The following CLSTN1 variants were observed in gnomAD, a reference collection of about 807,000 sequenced individuals.
CLSTN1 encodes the protein calsyntenin-1.
In CLSTN1, 28 loss-of-function variants were observed where a neutral mutation model predicts 108.3. The observed-to-expected ratio is 0.26, with a 90% CI of 0.19 to 0.35. The LOEUF is 0.35. Ranked by LOEUF, CLSTN1 falls within the 10% of genes least tolerant of loss-of-function variation. The pLI is 1.00. For synonymous variants in CLSTN1, 524 were observed against 534.9 expected (o/e 0.98, Z 0.28); for missense variants, 1,157 against 1,302.6 (o/e 0.89, Z 1.72).
At chr1:9,799,433 A>C (rs1654155209) in intron 1 of CLSTN1, among the ~76,000 whole-genome samples, 1 of 151,866 alleles carries the variant, frequency 6.6e-6, no homozygotes, top group African/African-American at 2.4e-5. Flanking sequence ...CGAAGTCAGG[A>C]GATCGAGACC....
intron 1 of CLSTN1, among the ~76,000 whole-genome samples, chr1:9,774,871 A>C (rs894951071): frequency 1.3e-5 from 2 of 152,282 alleles, no homozygotes; most frequent in Middle Eastern, 3.4e-3. Flanking sequence ...ACGCTAAACG[A>C]AGGGTGGATT....
chr1:9,771,404 A>G (rs1460423111), intron 2 of CLSTN1, among the ~76,000 whole-genome samples: 1 of 152,182 alleles, frequency 6.6e-6, no homozygotes, highest in African/African-American at 2.4e-5. Context: ...TCACAAGGTC[A>G]GGAGTTCAAG....
chr1:9,791,004 C>T (rs1034993441), intron 1 of CLSTN1, among the ~76,000 whole-genome samples: 2 of 150,834 alleles, frequency 1.3e-5, no homozygotes, highest in African/African-American at 2.4e-5. Flanking sequence ...TGGTGGTGGG[C>T]GCCTGTAGTC....
intron 1 of CLSTN1, among the ~76,000 whole-genome samples, chr1:9,800,413 CA>C (rs1346935865): frequency 6.6e-6 from 1 of 151,684 alleles, no homozygotes; most frequent in Non-Finnish European, 1.5e-5. Flanking sequence ...TATAAGACCC[CA>C]TGGATTAAAA....
intron 1 of CLSTN1, among the ~76,000 whole-genome samples, chr1:9,806,460 T>C (rs145949300): frequency 1.8e-4 from 27 of 152,336 alleles, no homozygotes; most frequent in African/African-American, 6.3e-4. Context: ...TTACACACCA[T>C]ACCTGGGGCA....
Position 9,823,718 on chromosome 1 carries a change from C to G in CLSTN1, c.16G>C (p.Ala6Pro). The G allele has an allele frequency of 9.2e-7, 1 of 1,089,800 alleles. No individual in the cohort carries two copies. Among genetic ancestry groups the G allele is most frequent in the Non-Finnish European group, 1.1e-6 (1 of 898,254 alleles). The allele number at this position is 1,089,800 out of a possible 1,614,324, so 67.5% of individuals were successfully genotyped here. MLRRP[A>P]PALAPAARLL... ...CGGGCGGCCGGGGCCAGCGCGGGAG[C>G]GGGGCGGCGCAGCATCGCCAGCCCG... The change falls in exon 1 of 19, where the codon GCT (alanine) becomes CCT (proline). Residue 6 changes from alanine (A) to proline (P), a missense_variant. Ala to Pro is a conservative substitution (Grantham distance 27). Transcript: ENST00000377298. The surrounding 1 kb of genome is among the most constrained non-coding windows in gnomAD (Gnocchi z 6.3).
At chr1:9,785,151 A>G (rs998688501) in intron 1 of CLSTN1, among the ~76,000 whole-genome samples, 2 of 152,032 alleles carry the variant, frequency 1.3e-5, no homozygotes, top group South Asian at 2.1e-4. Flanking sequence ...TCTTGACCTC[A>G]GGTGATCCAC....
At chr1:9,785,507 CCAGA>C (rs1283826308) in intron 1 of CLSTN1, among the ~76,000 whole-genome samples, 2 of 152,104 alleles carry the variant, frequency 1.3e-5, no homozygotes, top group South Asian at 2.1e-4. Flanking sequence ...ACACTCTGGG[CCAGA>C]CAATGTTTAG....
chr1:9,782,924 T>C (rs1352558934), intron 1 of CLSTN1, among the ~76,000 whole-genome samples: 1 of 152,214 alleles, frequency 6.6e-6, no homozygotes, highest in Admixed American at 6.5e-5. Flanking sequence ...GGAGAATAGC[T>C]GGAACCTGGG....
At chr1:9,737,842 A>G (rs1489580151) in intron 10 of CLSTN1, among the ~76,000 whole-genome samples, 2 of 152,154 alleles carry the variant, frequency 1.3e-5, no homozygotes, top group Non-Finnish European at 2.9e-5. Context: ...AAGCACACAC[A>G]TGGAATTCGT....
At chr1:9,770,528 C>A (rs76606485) in intron 2 of CLSTN1, among the ~76,000 whole-genome samples, 1 of 152,238 alleles carries the variant, frequency 6.6e-6, no homozygotes, top group Non-Finnish European at 1.5e-5. Context: ...CTGCACCCCC[C>A]GACCAGCTAC....
chr1:9,733,645 G>A (rs948660011), intron 15 of CLSTN1, 99 bp from the exon 16 acceptor site: 2 of 1,427,940 alleles, frequency 1.4e-6, no homozygotes, highest in Non-Finnish European at 1.9e-6. Context: ...TAGACACCCA[G>A]GTTAGCTAGG....
rs201979762 is a variant in CLSTN1, at chr1:9,753,211, G to C, written c.441-1530C>G. The stretch of plus-strand genomic sequence containing the variant: ...GCATGCTCAGTTCACAACAGGGTTC[G>C]CGCTCCTGTGAGAATCTGATACCGC... On this transcript the variant is annotated intron_variant, in intron 4 of 18. Coordinates refer to ENST00000377298, the MANE Select transcript of CLSTN1 (RefSeq NM_001009566.3). Among the ~76,000 whole-genome samples, 657 of 152,254 alleles carry C rather than the reference G, an allele frequency of 4.3e-3. 12 individuals carry two copies. Among genetic ancestry groups the C allele is most frequent in the East Asian group, 0.042 (219 of 5,176 alleles).
At chr1:9,810,967 G>T (rs935798633) in intron 1 of CLSTN1, among the ~76,000 whole-genome samples, 1 of 151,994 alleles carries the variant, frequency 6.6e-6, no homozygotes, top group African/African-American at 2.4e-5. Context: ...CAAGAAAAAT[G>T]CAATCAACAC....
chr1:9,748,937 C>T (rs1651415125), intron 7 of CLSTN1, among the ~76,000 whole-genome samples: 1 of 152,134 alleles, frequency 6.6e-6, no homozygotes, highest in Admixed American at 6.6e-5. Flanking sequence ...CAGGGTCTCA[C>T]TCTATTGCCC....
chr1:9,796,360 G>A (rs1654001759), intron 1 of CLSTN1, among the ~76,000 whole-genome samples: 2 of 150,998 alleles, frequency 1.3e-5, no homozygotes, highest in Non-Finnish European at 1.5e-5. Context: ...GGACAAGATG[G>A]TGAAATGGAA....
intron 1 of CLSTN1, among the ~76,000 whole-genome samples, chr1:9,811,156 C>A (rs1654738934): frequency 6.6e-6 from 1 of 152,082 alleles, no homozygotes. Flanking sequence ...TTCATTCAAA[C>A]AAACAGTAAT....
At chr1:9,756,576 G>A in intron 2 of CLSTN1, 66 bp from the exon 3 acceptor site, 2 of 1,406,012 alleles carry the variant, frequency 1.4e-6, no homozygotes, top group African/African-American at 1.4e-5. Flanking sequence ...ATACACTAAG[G>A]AAAAAAGTCA....
intron 9 of CLSTN1, among the ~76,000 whole-genome samples, chr1:9,743,664 C>T (rs553224059): frequency 6.6e-6 from 1 of 152,098 alleles, no homozygotes; most frequent in Admixed American, 6.5e-5. Context: ...CATCCCACCT[C>T]AGCTCCCCAA....
Sources: allele counts gnomAD v4.1 joint callset (sites outside exome capture counted in the v4.1 genomes callset), GRCh38; gene constraint gnomAD v4.1.1; non-coding constraint Gnocchi (gnomAD v3.1); transcripts MANE v1.5; gene names NCBI Gene and HGNC (gene_info 2026-07-23, HGNC 2026-07-21).